Variants in CCDC7 observed in about 807,000 individuals in gnomAD.
CCDC7 encodes the protein coiled-coil domain-containing protein 7.
A neutral mutation model predicts 196.9 loss-of-function variants in CCDC7; 183 were observed. The observed-to-expected ratio is 0.93, with a 90% CI of 0.82 to 1.05. The LOEUF (loss-of-function observed/expected upper bound fraction) is 1.05, where lower values mean the gene tolerates loss of function less well. Ranked by LOEUF, CCDC7 falls within the 50% of genes least tolerant of loss-of-function variation. The pLI is 0.00. For synonymous variants in CCDC7, 525 were observed against 484.6 expected (o/e 1.08, Z -1.10); for missense variants, 1,540 against 1,482.2 (o/e 1.04, Z -0.64).
Position 32,564,350 on chromosome 10 carries a change from A to G in CCDC7, c.1135-1208A>G, listed in dbSNP as rs568327858. 7.2e-3 allele frequency among the ~76,000 whole-genome samples: 1,099 copies of G among 152,262 alleles called. 17 individuals are homozygous for G. Among genetic ancestry groups the G allele is most frequent in the African/African-American group, 0.024 (983 of 41,536 alleles). On this transcript the variant is annotated intron_variant, in intron 13 of 41. Coordinates refer to ENST00000639629, the Ensembl canonical transcript of CCDC7. ...CATGCTGCTATAAAGACACATGCAC[A>G]CGTATGTTTATTGTGGCACTATTCA...
At chr10:32,821,321 G>A (rs916556291) in intron 31 of CCDC7, among the ~76,000 whole-genome samples, 6 of 152,190 alleles carry the variant, frequency 3.9e-5, no homozygotes, top group East Asian at 1.9e-4. Flanking sequence ...AACAGGTGCT[G>A]GAGAGGATGT....
chr10:32,504,451 A>G (rs997284085), intron 9 of CCDC7, among the ~76,000 whole-genome samples: 1 of 151,790 alleles, frequency 6.6e-6, no homozygotes, highest in African/African-American at 2.4e-5. Context: ...TCTATGAACT[A>G]TTGGCTTAAT....
chr10:32,586,695 T>C (rs2059314154), intron 18 of CCDC7, among the ~76,000 whole-genome samples: 1 of 152,124 alleles, frequency 6.6e-6, no homozygotes, highest in Non-Finnish European at 1.5e-5. Flanking sequence ...AGATGTGTAG[T>C]TTTATTTCTG....
At chr10:32,880,011 T>C (rs1275619501), downstream of CCDC7, among the ~76,000 whole-genome samples, 1 of 152,186 alleles carries the variant, frequency 6.6e-6, no homozygotes, top group East Asian at 1.9e-4. Context: ...GAAATGAACA[T>C]ACATTTGCAT....
At chr10:32,701,949 G>T (rs974518144) in intron 24 of CCDC7, among the ~76,000 whole-genome samples, 10 of 152,002 alleles carry the variant, frequency 6.6e-5, no homozygotes, top group Non-Finnish European at 1.3e-4. Context: ...TGTCAATTTT[G>T]TTGGTCTTTT....
chr10:32,498,120 C>A (rs1433382047), intron 9 of CCDC7, among the ~76,000 whole-genome samples: 2 of 152,040 alleles, frequency 1.3e-5, no homozygotes, highest in African/African-American at 4.8e-5. Context: ...GCTCTTCTTG[C>A]TGCATTGATC....
At chr10:32,631,447 A>C (rs2222319) in intron 18 of CCDC7, among the ~76,000 whole-genome samples, 52,404 of 151,906 alleles carry the variant, frequency 0.34, 11,449 homozygotes, top group Non-Finnish European at 0.5. Flanking sequence ...TTGTAGAAAA[A>C]ATTGCTTGGC....
intron 28 of CCDC7, among the ~76,000 whole-genome samples, chr10:32,737,685 A>G (rs1300045495): frequency 1.3e-5 from 2 of 152,148 alleles, no homozygotes; most frequent in Non-Finnish European, 2.9e-5. Context: ...TTTTTGCCTC[A>G]TGAATTTTAT....
intron 37 of CCDC7, 99 bp downstream of exon 38, chr10:32,846,558 A>T (rs879062996): frequency 1.5e-6 from 1 of 652,102 alleles, no homozygotes; most frequent in Non-Finnish European, 2.6e-6. Context: ...CCTACATGTT[A>T]GTGTTACATA....
intron 28 of CCDC7, among the ~76,000 whole-genome samples, chr10:32,761,845 G>A (rs1332875434): frequency 6.6e-6 from 1 of 151,930 alleles, no homozygotes; most frequent in Admixed American, 6.6e-5. Flanking sequence ...AACTCTGCTG[G>A]GTCCTCCTTG....
chr10:32,700,178 A>G (rs1361519917), intron 24 of CCDC7, among the ~76,000 whole-genome samples: 1 of 149,400 alleles, frequency 6.7e-6, no homozygotes, highest in Admixed American at 6.6e-5. Context: ...TAGGGTTTTT[A>G]TGGTTTTAGG....
At chr10:32,656,963 C>T (rs932734760) in intron 20 of CCDC7, among the ~76,000 whole-genome samples, 2 of 152,216 alleles carry the variant, frequency 1.3e-5, no homozygotes, top group Admixed American at 6.5e-5. Flanking sequence ...AAAGAGGCTA[C>T]ATGCCCCAAT....
chr10:32,617,765 G>A (rs1248604442), intron 18 of CCDC7, among the ~76,000 whole-genome samples: 1 of 151,156 alleles, frequency 6.6e-6, no homozygotes, highest in East Asian at 1.9e-4. Flanking sequence ...TGTATATTCT[G>A]TAATTGCTTG....
chr10:32,537,860 T>G (rs1263608207), intron 11 of CCDC7, among the ~76,000 whole-genome samples: 2 of 152,214 alleles, frequency 1.3e-5, no homozygotes, highest in East Asian at 3.9e-4. Flanking sequence ...AGGTGTCTGT[T>G]TTTGCACCTG....
At position 32,874,470 on chromosome 10, in the gene CCDC7, A is replaced by ATGCCTTTGTCC; in HGVS notation, c.4112-1876_4112-1875insGCCTTTGTCCT. ...CCCTTCTGAGCCTCCAGTGTCCATTATACCACTCTGTATGCCTTTGTGTGC... is the reference window on the plus strand; with the variant it reads ...CCCTTCTGAGCCTCCAGTGTCCATTATGCCTTTGTCCTACCACTCTGTATGCCTTTGTGTGC... On this transcript the variant is annotated intron_variant, in intron 41 of 41. Coordinates refer to ENST00000639629, the Ensembl canonical transcript of CCDC7. Among the ~76,000 whole-genome samples the ATGCCTTTGTCC allele has an allele frequency of 2.6e-5, 4 of 151,642 alleles. No homozygotes were observed. The Admixed American group carries it at 2.6e-4, about 10-fold the overall frequency.
At chr10:32,803,799 A>AT (rs909283830) in intron 29 of CCDC7, among the ~76,000 whole-genome samples, 3 of 151,888 alleles carry the variant, frequency 2.0e-5, no homozygotes, top group African/African-American at 7.3e-5. Context: ...TGTTTTGTAT[A>AT]TTTTTTATGT....
intron 2 of CCDC7, 40 bp downstream of exon 3, chr10:32,453,476 A>G (rs140743157): frequency 1.1e-5 from 14 of 1,302,922 alleles, no homozygotes; most frequent in African/African-American, 1.5e-5. Flanking sequence ...ATTAACACTG[A>G]AAAGGGTCGA....
chr10:32,485,075 A>G (rs1029952461), intron 8 of CCDC7, among the ~76,000 whole-genome samples: 3 of 152,216 alleles, frequency 2.0e-5, no homozygotes, highest in African/African-American at 7.2e-5. Context: ...AAGGAGTGGT[A>G]CCAGCTCCTC....
chr10:32,819,676 A>C (rs1190566557), intron 31 of CCDC7, among the ~76,000 whole-genome samples: 1 of 152,220 alleles, frequency 6.6e-6, no homozygotes, highest in Non-Finnish European at 1.5e-5. Context: ...GCAAATCAAT[A>C]AACGTGATCC....
Sources: gnomAD v4.1 joint callset for allele counts (sites outside exome capture counted in the v4.1 genomes callset) on GRCh38, gnomAD v4.1.1 for gene constraint, MANE v1.5 for transcripts, NCBI Gene and HGNC (gene_info 2026-07-23, HGNC 2026-07-21) for gene names.